Variants in PRDM11 observed in about 807,000 individuals in gnomAD.
The protein encoded by PRDM11 is PR domain-containing protein 11.
Under a neutral mutation model 97.8 loss-of-function variants are expected in PRDM11, and 20 were observed. The ratio of observed to expected loss-of-function variants is 0.20; its 90% CI spans 0.14 to 0.30. PRDM11 has a LOEUF of 0.30. Ranked by LOEUF, PRDM11 falls within the 10% of genes least tolerant of loss-of-function variation. PRDM11 has a pLI of 1.00. For synonymous variants in PRDM11, 599 were observed against 637.7 expected (o/e 0.94, Z 0.91); for missense variants, 1,139 against 1,555.2 (o/e 0.73, Z 4.50).
intron 4 of PRDM11, among the ~76,000 whole-genome samples, chr11:45,195,513 A>T (rs1853089618): frequency 6.6e-6 from 1 of 151,040 alleles, no homozygotes; most frequent in South Asian, 2.1e-4. Context: ...ACTTCGCTTC[A>T]TGTTTTCAAG....
chr11:45,155,746 C>T (rs1407205674), intron 1 of PRDM11, among the ~76,000 whole-genome samples: 3 of 151,770 alleles, frequency 2.0e-5, no homozygotes, highest in Admixed American at 6.6e-5. Context: ...CCAGGGAAAC[C>T]GGCAGTCTCT....
chr11:45,100,962 CT>C (rs1851963629), intron 1 of PRDM11, among the ~76,000 whole-genome samples: 1 of 152,186 alleles, frequency 6.6e-6, no homozygotes, highest in Non-Finnish European at 1.5e-5. Flanking sequence ...CCAGGGATAT[CT>C]AATCCAAATG....
rs549633050 is a variant in PRDM11, at chr11:45,182,951, T to G, written c.314T>G (p.Ile105Ser). 6.2e-7 allele frequency: 1 copy of G among 1,613,828 alleles called. No homozygotes were observed. The highest frequency in any genetic ancestry group is 1.7e-5 in the Admixed American group (1 of 60,000). The change falls in exon 4 of 8, where the codon ATC becomes AGC. Residue 105 changes from isoleucine to serine, a missense_variant. This residue lies in a region of PRDM11 where 429 missense variants were observed against 510.3 expected (regional missense o/e 0.84). Transcript: ENST00000683152. ...FVSDTPVPVG[I>S]PDRAALTIPQ... ...TCTGACACACCGGTGCCCGTGGGCATCCCAGACCGGGCGGCGCTCACCATC... is the reference window on the plus strand; with the variant it reads ...TCTGACACACCGGTGCCCGTGGGCAGCCCAGACCGGGCGGCGCTCACCATC...
At chr11:45,128,367 T>C (rs1052293824) in intron 1 of PRDM11, among the ~76,000 whole-genome samples, 6 of 152,122 alleles carry the variant, frequency 3.9e-5, no homozygotes, top group Non-Finnish European at 5.9e-5. Context: ...CTGCACCCAC[T>C]GTCTGGCACT....
intron 1 of PRDM11, among the ~76,000 whole-genome samples, chr11:45,155,188 G>A (rs894120156): frequency 6.6e-6 from 1 of 152,234 alleles, no homozygotes; most frequent in East Asian, 1.9e-4. Flanking sequence ...CACAATGTCA[G>A]CTTTCCCGGA....
intron 4 of PRDM11, among the ~76,000 whole-genome samples, chr11:45,191,270 C>T (rs571615952): frequency 1.6e-4 from 25 of 152,266 alleles, no homozygotes; most frequent in African/African-American, 5.8e-4. Context: ...TTAGGTCTTT[C>T]TCACGGTGTG....
At chr11:45,157,494 G>A (rs921535963) in intron 1 of PRDM11, among the ~76,000 whole-genome samples, 1 of 152,158 alleles carries the variant, frequency 6.6e-6, no homozygotes, top group Non-Finnish European at 1.5e-5. Context: ...AACAGGTTAT[G>A]GATCAGTACC....
At chr11:45,152,881 G>A (rs1268974874) in intron 1 of PRDM11, among the ~76,000 whole-genome samples, 1 of 152,230 alleles carries the variant, frequency 6.6e-6, no homozygotes. Context: ...GTGCTGAGGA[G>A]TTTACAATCT....
intron 1 of PRDM11, among the ~76,000 whole-genome samples, chr11:45,160,627 G>C (rs1199649606): frequency 4.6e-5 from 7 of 152,198 alleles, no homozygotes; most frequent in Non-Finnish European, 1.0e-4. Context: ...TTTTAGAAAG[G>C]ATCGTCATTT....
At chr11:45,147,833 A>G (rs1381868319) in intron 1 of PRDM11, among the ~76,000 whole-genome samples, 1 of 152,184 alleles carries the variant, frequency 6.6e-6, no homozygotes, top group African/African-American at 2.4e-5. Context: ...GTGTGGAGAA[A>G]GGCTGTGCTG....
Position 45,192,118 on chromosome 11 carries a change from A to G in PRDM11, c.486+8995A>G, listed in dbSNP as rs573008003. On this transcript the variant is annotated intron_variant, in intron 4 of 7. Coordinates refer to ENST00000683152, the MANE Select transcript of PRDM11 (RefSeq NM_001384648.1). The stretch of plus-strand genomic sequence containing the variant: ...GATGAGTTGATGCAAATGTCCTACC[A>G]TGTCAGAAACTGAGGGAACGCAGCA... Among the ~76,000 whole-genome samples, 326 of 152,204 alleles carry G rather than the reference A, an allele frequency of 2.1e-3. 3 individuals are homozygous for G. The highest frequency in any genetic ancestry group is 9.4e-4 in the Non-Finnish European group (64 of 68,016).
chr11:45,223,476 T>C (rs1854175008), intron 6 of PRDM11, among the ~76,000 whole-genome samples: 1 of 152,210 alleles, frequency 6.6e-6, no homozygotes, highest in South Asian at 2.1e-4. Context: ...GACATGGCTA[T>C]ATTTCCTGAC....
intron 1 of PRDM11, among the ~76,000 whole-genome samples, chr11:45,158,999 T>C (rs1196925842): frequency 2.0e-5 from 3 of 152,012 alleles, no homozygotes; most frequent in Non-Finnish European, 2.9e-5. Context: ...CCCCCCTTCC[T>C]AGTTCTGTGG....
Position 45,234,595 on chromosome 11 carries a change from T to C in PRDM11, c.*6436T>C, listed in dbSNP as rs1854467363. 6.6e-6 allele frequency: 1 copy of C among 152,236 alleles called. No homozygotes were observed. The highest frequency in any genetic ancestry group is 6.6e-5 in the Admixed American group (1 of 15,260). 9.4% of individuals were successfully genotyped at this position (152,236 alleles called of 1,614,324 possible). ...CGGCCAGGGGATGGGCATCCCCAGG[T>C]AGCAATCCCACAATGCACTGTACCT... On this transcript the variant is annotated 3_prime_UTR_variant, in exon 8 of 8. Transcript: ENST00000683152.
intron 4 of PRDM11, among the ~76,000 whole-genome samples, chr11:45,190,061 C>A (rs1243575492): frequency 6.6e-6 from 1 of 152,050 alleles, no homozygotes; most frequent in East Asian, 1.9e-4. Context: ...CCTGTAGATT[C>A]ATCTATTGCT....
intron 1 of PRDM11, among the ~76,000 whole-genome samples, chr11:45,127,288 C>G (rs1270229941): frequency 6.6e-6 from 1 of 152,180 alleles, no homozygotes; most frequent in Non-Finnish European, 1.5e-5. Context: ...TGAATTTCCT[C>G]CTGTAGCTCG....
chr11:45,114,643 C>A (rs1351149419), intron 1 of PRDM11, among the ~76,000 whole-genome samples: 1 of 151,784 alleles, frequency 6.6e-6, no homozygotes, highest in African/African-American at 2.4e-5. Context: ...GTCTAAAGAT[C>A]AAAGAGAGAG....
intron 1 of PRDM11, among the ~76,000 whole-genome samples, chr11:45,154,750 AGCCC>A (rs1402788021): frequency 6.6e-6 from 1 of 152,208 alleles, no homozygotes; most frequent in African/African-American, 2.4e-5. Context: ...CCTGATCACT[AGCCC>A]AGGCAGGTTG....
intron 1 of PRDM11, among the ~76,000 whole-genome samples, chr11:45,116,945 C>T (rs183845472): frequency 5.3e-5 from 8 of 152,218 alleles, no homozygotes; most frequent in African/African-American, 4.8e-5. Flanking sequence ...CCAATGCCTC[C>T]GGGTGCAATG....
Sources: gnomAD v4.1 joint callset for allele counts (sites outside exome capture counted in the v4.1 genomes callset) on GRCh38, gnomAD v4.1.1 for gene constraint, gnomAD v4.1.1 regional missense constraint, MANE v1.5 for transcripts, NCBI Gene and HGNC (gene_info 2026-07-23, HGNC 2026-07-21) for gene names.